Variants in POR observed in about 807,000 individuals in gnomAD.
POR encodes NADPH--cytochrome P450 reductase.
POR carries 56 observed loss-of-function variants against 84.0 expected under a neutral mutation model. The observed-to-expected ratio is 0.67, with a 90% CI of 0.54 to 0.83. POR has a LOEUF of 0.83. POR is among the 40% of genes least tolerant of loss of function. The pLI is 0.00. For missense variants in POR, 938 were observed against 944.3 expected (o/e 0.99, Z 0.09); for synonymous variants, 414 against 400.5 (o/e 1.03, Z -0.40).
chr7:75,944,119 C>T (rs541848480), intron 1 of POR, among the ~76,000 whole-genome samples: 15 of 152,262 alleles, frequency 9.9e-5, no homozygotes, highest in African/African-American at 3.6e-4. Flanking sequence ...GTGCTGTCTT[C>T]CCTCTCCAAG....
intron 10 of POR, 78 bp downstream of exon 10, chr7:75,983,934 C>G: frequency 8.3e-7 from 1 of 1,202,446 alleles, no homozygotes; most frequent in Non-Finnish European, 1.2e-6. Context: ...CTGGGTTGAG[C>G]TTCTGCTTAG....
chr7:75,985,867 G>T lies in POR; in HGVS notation c.1669+18G>T. ...ACAGCAGGGTGAGTGGGGTCCCATG[G>T]GGGAGAGGGGGTGACGACTGGGAGC... On this transcript the variant is annotated intron_variant, in intron 13 of 15. Coordinates refer to ENST00000461988, the MANE Select transcript of POR (RefSeq NM_000941.3). 1 of 1,550,306 alleles carries T rather than the reference G, an allele frequency of 6.5e-7. No individual in the cohort carries two copies. The highest frequency in any genetic ancestry group is 8.7e-7 in the Non-Finnish European group (1 of 1,144,426).
chr7:75,926,717 C>G (rs1554549545), intron 1 of POR, among the ~76,000 whole-genome samples: 2 of 152,096 alleles, frequency 1.3e-5, no homozygotes, highest in African/African-American at 2.4e-5. Context: ...TCGCTTGAAC[C>G]CGGGGGGCAG....
chr7:75,951,538 G>A (rs558883183), intron 1 of POR, among the ~76,000 whole-genome samples: 111 of 152,342 alleles, frequency 7.3e-4, no homozygotes, highest in African/African-American at 2.6e-3. Context: ...TTGTGTAGCA[G>A]TAGACCGATG....
At chr7:75,930,001 C>CT (rs1350157387) in intron 1 of POR, among the ~76,000 whole-genome samples, 7 of 152,162 alleles carry the variant, frequency 4.6e-5, no homozygotes, top group Non-Finnish European at 1.0e-4. Context: ...CCCACAAGGT[C>CT]TTTAAATCTC....
chr7:75,932,579 A>AT (rs149508006), intron 1 of POR, among the ~76,000 whole-genome samples: 10,947 of 151,576 alleles, frequency 0.072, 1,262 homozygotes, highest in African/African-American at 0.24. Context: ...AACAGTTTTA[A>AT]TTTTTTTTTC....
chr7:75,964,989 C>A (rs370650101), intron 2 of POR, among the ~76,000 whole-genome samples: 23 of 152,218 alleles, frequency 1.5e-4, no homozygotes, highest in Admixed American at 1.1e-3. Flanking sequence ...TGCACTCCAG[C>A]CTGGGCAACG....
At chr7:75,985,351 A>G in intron 12 of POR, 144 bp downstream of exon 12, 7 of 1,214,038 alleles carry the variant, frequency 5.8e-6, no homozygotes, top group Non-Finnish European at 7.8e-6. Context: ...ATGCCTCCCC[A>G]GGCTGTGGAC....
In POR at chr7:75,979,316, T is replaced by C. The variant is rs569324885; in HGVS notation, c.238-135T>C. On this transcript the variant is annotated intron_variant, in intron 3 of 15. Transcript: ENST00000461988. ...GTGAGAAGCAAGTCCCAGAGGAACT[T>C]AGAAGGGACTCAAAGCCAGGAAGGA... The C allele has an allele frequency of 6.9e-5, 73 of 1,061,792 alleles. 1 individual carries two copies. In the South Asian group the frequency reaches 7.7e-4, roughly 11 times the overall value. 65.8% of individuals were successfully genotyped at this position (1,061,792 alleles called of 1,614,324 possible). A position where few individuals can be genotyped will look rare whatever the true frequency, so the allele number is the denominator to read the frequency against.
At position 75,981,464 on chromosome 7, in the gene POR, G is replaced by A. The variant is rs1226109439; in HGVS notation, c.642-53G>A. On this transcript the variant is annotated intron_variant, in intron 6 of 15. Coordinates refer to ENST00000461988, the MANE Select transcript of POR (RefSeq NM_000941.3). ...CGGGGCGTGCCTGGCACCAGGTACC[G>A]TTGCCACATGGGCCTCCCCTGAGCC... is the stretch of plus-strand genomic sequence containing the variant. 2.9e-5 allele frequency: 45 copies of A among 1,530,074 alleles called. 1 individual carries two copies. The highest frequency in any genetic ancestry group is 7.1e-5 in the East Asian group (3 of 42,544). The allele number at this position is 1,530,074 out of a possible 1,614,324, so 94.8% of individuals were successfully genotyped here. A position where few individuals can be genotyped will look rare whatever the true frequency, so the allele number is the denominator to read the frequency against.
chr7:75,943,834 A>G (rs1554551832), intron 1 of POR: 2 of 511,928 alleles, frequency 3.9e-6, no homozygotes, highest in East Asian at 1.1e-4. Context: ...CCAAGATATG[A>G]GCGAATGCTA....
intron 1 of POR, among the ~76,000 whole-genome samples, chr7:75,928,373 G>A (rs1554549801): frequency 6.6e-6 from 1 of 152,182 alleles, no homozygotes. Context: ...GCTAGTCGTG[G>A]ACACCTGCAG....
chr7:75,981,496 CCT>C lies in POR; in HGVS notation c.642-17_642-16del. On this transcript the variant is annotated intron_variant, in intron 6 of 15. Coordinates refer to ENST00000461988, the MANE Select transcript of POR (RefSeq NM_000941.3). The stretch of plus-strand genomic sequence containing the variant: ...CATGGGCCTCCCCTGAGCCGCTCCC[CCT>C]CTCCTCTCCTCGGCCCAGCTTGGAG... The C allele has an allele frequency of 6.2e-7, 1 of 1,602,182 alleles. No individual in the cohort carries two copies. The highest frequency in any genetic ancestry group is 8.5e-7 in the Non-Finnish European group (1 of 1,174,058).
chr7:75,960,292 A>AAAT (rs142864869), intron 2 of POR, among the ~76,000 whole-genome samples: 6,095 of 149,020 alleles, frequency 0.041, 303 homozygotes, highest in African/African-American at 0.12. Flanking sequence ...CCCCCTCTCA[A>AAAT]AATAATAATA....
At chr7:75,943,097 A>G (rs1787015471) in intron 1 of POR, among the ~76,000 whole-genome samples, 1 of 151,784 alleles carries the variant, frequency 6.6e-6, no homozygotes, top group African/African-American at 2.4e-5. Flanking sequence ...GACTACAGGC[A>G]CGTGGCACCA....
At chr7:75,950,873 C>T (rs1787382828) in intron 1 of POR, among the ~76,000 whole-genome samples, 1 of 151,016 alleles carries the variant, frequency 6.6e-6, no homozygotes, top group Non-Finnish European at 1.5e-5. Flanking sequence ...GCCTGACCAA[C>T]ATGGTGAAAC....
intron 3 of POR, among the ~76,000 whole-genome samples, chr7:75,978,012 G>T (rs989425892): frequency 6.6e-6 from 1 of 152,190 alleles, no homozygotes; most frequent in Non-Finnish European, 1.5e-5. Flanking sequence ...TGGAGGAGGA[G>T]GGTGGACTGA....
At chr7:75,980,223 G>T in intron 4 of POR, 116 bp from the exon 5 acceptor site, 1 of 1,250,062 alleles carries the variant, frequency 8.0e-7, no homozygotes, top group South Asian at 1.5e-5. Flanking sequence ...ACGACACTCA[G>T]ACATCCCTGG....
intron 1 of POR, chr7:75,923,564 T>G (rs1554549099): frequency 2.8e-6 from 1 of 357,620 alleles, no homozygotes; most frequent in African/African-American, 2.1e-5. Flanking sequence ...CTGCTTTATC[T>G]TCAAAAACTG....
Sources: gnomAD v4.1 joint callset for allele counts (sites outside exome capture counted in the v4.1 genomes callset) on GRCh38, gnomAD v4.1.1 for gene constraint, MANE v1.5 for transcripts, NCBI Gene and HGNC (gene_info 2026-07-23, HGNC 2026-07-21) for gene names.